GARRE1: variants seen among roughly 807,000 people sequenced by gnomAD.
GARRE1 encodes the protein granule associated Rac and RHOG effector 1.
In GARRE1, 49 loss-of-function variants were observed where a neutral mutation model predicts 103.2. The ratio of observed to expected loss-of-function variants is 0.47; its 90% confidence interval spans 0.38 to 0.60. The LOEUF is 0.60. Among genes scored for constraint, GARRE1 ranks in the 20% least tolerant of loss-of-function variants. The probability of loss-of-function intolerance (pLI) is 0.00; values close to 1 mark genes in which losing one functional copy is unlikely to be tolerated. For missense variants in GARRE1, 1,199 were observed against 1,370.5 expected (o/e 0.87, Z 1.98); for synonymous variants, 505 against 532.8 (o/e 0.95, Z 0.72).
intron 1 of GARRE1, among the ~76,000 whole-genome samples, chr19:34,267,875 G>A (rs1332956297): frequency 6.6e-6 from 1 of 151,614 alleles, no homozygotes; most frequent in East Asian, 1.9e-4. Context: ...CCAGGTTCAA[G>A]CAATTCTCCT....
chr19:34,343,717 C>T (rs2074197627), intron 10 of GARRE1, among the ~76,000 whole-genome samples: 1 of 151,974 alleles, frequency 6.6e-6, no homozygotes. Flanking sequence ...TGTGGTGGCA[C>T]ATGCCTGTAG....
chr19:34,311,990 T>G (rs1011874935), intron 2 of GARRE1, among the ~76,000 whole-genome samples: 1 of 151,842 alleles, frequency 6.6e-6, no homozygotes, highest in African/African-American at 2.4e-5. Context: ...TTATTTTTAT[T>G]TTTACTGTAG....
intron 10 of GARRE1, among the ~76,000 whole-genome samples, chr19:34,345,909 A>G (rs1393898958): frequency 6.6e-6 from 1 of 152,222 alleles, no homozygotes; most frequent in Admixed American, 6.5e-5. Context: ...GTAGACTACA[A>G]ATCCTACTCT....
chr19:34,311,220 G>C (rs549298598), intron 2 of GARRE1, among the ~76,000 whole-genome samples: 1 of 152,056 alleles, frequency 6.6e-6, no homozygotes, highest in Non-Finnish European at 1.5e-5. Context: ...TTTTTTCTTA[G>C]TAACAAACTC....
chr19:34,305,921 A>G (rs1189861624), intron 2 of GARRE1, among the ~76,000 whole-genome samples: 1 of 152,202 alleles, frequency 6.6e-6, no homozygotes, highest in African/African-American at 2.4e-5. Flanking sequence ...GGGTTTTCCA[A>G]TTTATGCGTC....
intron 1 of GARRE1, among the ~76,000 whole-genome samples, chr19:34,298,210 G>C (rs992766274): frequency 6.6e-6 from 1 of 152,154 alleles, no homozygotes; most frequent in Non-Finnish European, 1.5e-5. Context: ...GAGCTCAGGA[G>C]TTTGAGACCA....
At chr19:34,272,709 A>G (rs2073795014) in intron 1 of GARRE1, among the ~76,000 whole-genome samples, 1 of 152,316 alleles carries the variant, frequency 6.6e-6, no homozygotes, top group Admixed American at 6.5e-5. Flanking sequence ...AGGAGTGGTA[A>G]GCAGAGTGCC....
At chr19:34,297,717 C>G (rs1211478261) in intron 1 of GARRE1, among the ~76,000 whole-genome samples, 1 of 152,132 alleles carries the variant, frequency 6.6e-6, no homozygotes, top group African/African-American at 2.4e-5. Flanking sequence ...TTGTGGAGCA[C>G]TCGGGTGGGG....
intron 2 of GARRE1, among the ~76,000 whole-genome samples, chr19:34,306,517 T>A (rs141729259): frequency 0.01 from 1,534 of 152,308 alleles, 11 homozygotes; most frequent in Non-Finnish European, 0.017. Context: ...GCAGGGCATA[T>A]GTGAGTCCTG....
chr19:34,345,719 G>T (rs2074207895), intron 10 of GARRE1, among the ~76,000 whole-genome samples: 1 of 152,240 alleles, frequency 6.6e-6, no homozygotes, highest in African/African-American at 2.4e-5. Context: ...CCACTTGGGA[G>T]GCTGAGGCAC....
chr19:34,300,230 A>C lies in GARRE1; in HGVS notation c.-244A>C. 1 of 425,126 alleles carries C rather than the reference A, an allele frequency of 2.4e-6. No homozygotes were observed. Among genetic ancestry groups the C allele is most frequent in the Non-Finnish European group, 4.1e-6 (1 of 241,132 alleles). 26.3% of individuals were successfully genotyped at this position (425,126 alleles called of 1,614,324 possible). On this transcript the variant is annotated 5_prime_UTR_variant, in exon 2 of 14. Coordinates refer to ENST00000299505, the MANE Select transcript of GARRE1 (RefSeq NM_014686.5). ...GAGAGTGGAATGCTAAACAGTTCTTATCCAGCATTTTGGACATCTTTTATT... is the reference window on the plus strand; with the variant it reads ...GAGAGTGGAATGCTAAACAGTTCTTCTCCAGCATTTTGGACATCTTTTATT...
intron 1 of GARRE1, among the ~76,000 whole-genome samples, chr19:34,267,832 G>A (rs1426159278): frequency 6.6e-6 from 1 of 150,732 alleles, no homozygotes; most frequent in Non-Finnish European, 1.5e-5. Flanking sequence ...GGAGTGCAGT[G>A]GGGTAATCTT....
At chr19:34,281,640 G>T (rs1054751972) in intron 1 of GARRE1, among the ~76,000 whole-genome samples, 5 of 152,120 alleles carry the variant, frequency 3.3e-5, no homozygotes, top group East Asian at 1.9e-4. Context: ...GCCCAGGCTG[G>T]TCTTGAACTC....
At chr19:34,321,117 C>T (rs1319470914) in intron 3 of GARRE1, among the ~76,000 whole-genome samples, 5 of 126,244 alleles carry the variant, frequency 4.0e-5, no homozygotes, top group African/African-American at 1.2e-4. Flanking sequence ...AGTGCAGTGG[C>T]GTGATCTCAG....
At chr19:34,331,833 A>G (rs993837582) in intron 7 of GARRE1, among the ~76,000 whole-genome samples, 3 of 152,134 alleles carry the variant, frequency 2.0e-5, no homozygotes, top group African/African-American at 7.2e-5. Flanking sequence ...GTCTCTAAAA[A>G]TACAAAAATT....
chr19:34,317,375 A>G (rs2074064675), intron 2 of GARRE1, among the ~76,000 whole-genome samples: 2 of 152,208 alleles, frequency 1.3e-5, no homozygotes, highest in South Asian at 4.1e-4. Flanking sequence ...TGTGTCCATC[A>G]GAGCTGTGAG....
At chr19:34,293,026 T>C (rs1350296650) in intron 1 of GARRE1, among the ~76,000 whole-genome samples, 1 of 152,198 alleles carries the variant, frequency 6.6e-6, no homozygotes, top group Non-Finnish European at 1.5e-5. Flanking sequence ...CAATCCTATA[T>C]GCAATGTATG....
chr19:34,297,059 G>A (rs1001754300), intron 1 of GARRE1, among the ~76,000 whole-genome samples: 14 of 152,144 alleles, frequency 9.2e-5, no homozygotes, highest in African/African-American at 3.4e-4. Context: ...GGCCGAGGTG[G>A]GTGGATCACT....
rs548006092 is a variant in GARRE1 at position 34,306,137 on chromosome 19, G to T, written c.495+5169G>T. On this transcript the variant is annotated intron_variant, in intron 2 of 13. Transcript: ENST00000299505. ...CTCAGATGAAATGGCTAGGCATTTG[G>T]ATTTTTTCCTTTTGGTTTTTTAAGG... Among the ~76,000 whole-genome samples, 29 of 152,300 alleles carry T rather than the reference G, an allele frequency of 1.9e-4. No individual in the cohort carries two copies. The East Asian group carries it at 5.4e-3, about 28-fold the overall frequency.
Sources: gnomAD v4.1 joint callset for allele counts (sites outside exome capture counted in the v4.1 genomes callset) on GRCh38, gnomAD v4.1.1 for gene constraint, MANE v1.5 for transcripts, NCBI Gene and HGNC (gene_info 2026-07-23, HGNC 2026-07-21) for gene names.